FLYWCH1: variants seen among roughly 807,000 people sequenced by gnomAD.
The protein encoded by FLYWCH1 is FLYWCH-type zinc finger 1.
A neutral mutation model predicts 66.4 loss-of-function variants in FLYWCH1; 75 were observed. The ratio of observed to expected loss-of-function variants is 1.13; its 90% confidence interval spans 0.94 to 1.37. The LOEUF (loss-of-function observed/expected upper bound fraction) is 1.37. Ranked by LOEUF, FLYWCH1 falls within the 40% of genes most tolerant of loss-of-function variation. The probability of loss-of-function intolerance (pLI) is 0.00; values close to 1 mark genes in which losing one functional copy is unlikely to be tolerated. For synonymous variants in FLYWCH1, 595 were observed against 429.9 expected (o/e 1.38, Z -4.75); for missense variants, 1,334 against 1,001.8 (o/e 1.33, Z -4.48).
At position 2,933,478 on chromosome 16, in the gene FLYWCH1, C is replaced by A. The variant is rs1407722629; in HGVS notation, c.1145C>A (p.Thr382Asn). Residue 382 changes from threonine to asparagine, a missense_variant, in exon 5 of 10, where the codon ACT becomes AAT. Physicochemically the swap from Thr to Asn is moderately conservative, Grantham distance 65. Transcript: ENST00000253928. ...TACCGCAGGGGTCCGGGTCCCCTGACTCTCACCAGGCCTCGGCCCAGAAAG... is the reference window on the plus strand; with the variant it reads ...TACCGCAGGGGTCCGGGTCCCCTGAATCTCACCAGGCCTCGGCCCAGAAAG... ...LLYRRGPGPL[T>N]LTRPRPRKRA... 1 of 1,606,006 alleles carries A rather than the reference C, an allele frequency of 6.2e-7. No homozygotes were observed. Among genetic ancestry groups the A allele is most frequent in the East Asian group, 2.2e-5 (1 of 44,518 alleles).
intron 2 of FLYWCH1, among the ~76,000 whole-genome samples, chr16:2,918,900 T>G (rs938006754): frequency 6.6e-6 from 1 of 152,210 alleles, no homozygotes; most frequent in Non-Finnish European, 1.5e-5. Flanking sequence ...AAACAAAAAC[T>G]TGTTTAGAAA....
chr16:2,927,007 A>G (rs1386838507), intron 2 of FLYWCH1, among the ~76,000 whole-genome samples: 3 of 152,228 alleles, frequency 2.0e-5, no homozygotes, highest in African/African-American at 7.2e-5. Flanking sequence ...CAGCCAGTAG[A>G]AAATAAAACC....
At position 2,926,967 on chromosome 16, in the gene FLYWCH1, A is replaced by G. The variant is rs73482960; in HGVS notation, c.-73-2646A>G. On this transcript the variant is annotated intron_variant, in intron 2 of 9. Coordinates refer to ENST00000253928, the MANE Select transcript of FLYWCH1 (RefSeq NM_001308068.2). ...GAAAAGGATAGTCTCTATCTCGGCA[A>G]TGCCAATCCAGATACAGTATCCACA... 6.4e-3 allele frequency among the ~76,000 whole-genome samples: 982 copies of G among 152,330 alleles called. 14 individuals are homozygous for G. The highest frequency in any genetic ancestry group is 0.022 in the African/African-American group (934 of 41,572).
chr16:2,933,539 G>A lies in FLYWCH1; in HGVS notation c.1206G>A (p.Gln402=), dbSNP rs1370364156. Residue 402 remains glutamine, a synonymous_variant, in exon 5 of 10, where the codon CAG becomes CAA. Transcript: ENST00000253928. ...TCGAAGACCAGGAGCTGCCAACCCA[G>A]CCCGAGGCCCCAGACGAGCACCAGG... ...AKVEDQELPT[Q]PEAPDEHQDM... The A allele has an allele frequency of 1.2e-6, 2 of 1,608,664 alleles. No homozygotes were observed. The highest frequency in any genetic ancestry group is 3.4e-5 in the Admixed American group (2 of 59,278).
intron 6 of FLYWCH1, chr16:2,935,457 C>T (rs1331790778): frequency 6.6e-6 from 1 of 152,334 alleles, no homozygotes; most frequent in Non-Finnish European, 1.5e-5. Flanking sequence ...CCAGCTGTCC[C>T]TCGGGGTTCA....
intron 6 of FLYWCH1, chr16:2,936,388 A>T (rs768013559): frequency 2.0e-5 from 9 of 455,918 alleles, no homozygotes; most frequent in Middle Eastern, 6.5e-4. Context: ...TCCCTGCTCC[A>T]CATGGCCCCT....
In FLYWCH1 at chr16:2,938,739, A is replaced by C. The variant is rs1256349496; in HGVS notation, c.2050+283A>C. 3.5e-5 allele frequency among the ~76,000 whole-genome samples: 5 copies of C among 142,214 alleles called. No homozygotes were observed. In the East Asian group the frequency reaches 6.1e-4, roughly 17 times the overall value. 93.3% of individuals were successfully genotyped at this position (142,214 alleles called of 152,430 possible). A position where few individuals can be genotyped will look rare whatever the true frequency, so the allele number is the denominator to read the frequency against. The stretch of plus-strand genomic sequence containing the variant: ...ACCATTCTCCTGCCTCAGCCTCCCG[A>C]GTAGCTGGGACTACAGGTGCCTGCC... On this transcript the variant is annotated intron_variant, in intron 8 of 9. Transcript: ENST00000253928.
intron 9 of FLYWCH1, among the ~76,000 whole-genome samples, chr16:2,948,403 C>CAA (rs374345147): frequency 1.8e-4 from 26 of 148,032 alleles, no homozygotes; most frequent in African/African-American, 6.0e-4. Context: ...TAATAAAATA[C>CAA]AAAAAAAAAA....
intron 2 of FLYWCH1, among the ~76,000 whole-genome samples, chr16:2,914,577 G>A (rs986249184): frequency 7.9e-5 from 12 of 152,040 alleles, no homozygotes; most frequent in African/African-American, 2.9e-4. Flanking sequence ...CAAATCTGCC[G>A]GCCTGTGCTC....
At chr16:2,913,731 G>C (rs985890017) in intron 1 of FLYWCH1, among the ~76,000 whole-genome samples, 1 of 152,220 alleles carries the variant, frequency 6.6e-6, no homozygotes, top group South Asian at 2.1e-4. Context: ...AGGAATGTCT[G>C]TGTGCACCCA....
intron 9 of FLYWCH1, among the ~76,000 whole-genome samples, chr16:2,944,815 CTG>C (rs891949166): frequency 6.8e-6 from 1 of 147,294 alleles, no homozygotes; most frequent in Non-Finnish European, 1.5e-5. Flanking sequence ...GAGTGAGACT[CTG>C]TATCAAAAAA....
At chr16:2,923,134 G>T in intron 2 of FLYWCH1, 1 of 398,024 alleles carries the variant, frequency 2.5e-6, no homozygotes, top group South Asian at 2.1e-5. Flanking sequence ...TGTGGCTGTG[G>T]ACGCCTTTCA....
rs2071640268 is a variant in FLYWCH1, at chr16:2,950,527, C to G, written c.*1800C>G. Reference sequence around the variant, plus strand: ...ACGCCCGGGTCACAGCAGCCTGAGTCACTGCAGCCTCTGCTACCTGCCAAG... The same window carrying G: ...ACGCCCGGGTCACAGCAGCCTGAGTGACTGCAGCCTCTGCTACCTGCCAAG... On this transcript the variant is annotated 3_prime_UTR_variant, in exon 10 of 10. Transcript: ENST00000253928. 6.6e-6 allele frequency: 1 copy of G among 152,472 alleles called. No homozygotes were observed. Among genetic ancestry groups the G allele is most frequent in the Non-Finnish European group, 1.5e-5 (1 of 68,216 alleles). 9.4% of individuals were successfully genotyped at this position (152,472 alleles called of 1,614,324 possible).
intron 9 of FLYWCH1, among the ~76,000 whole-genome samples, chr16:2,942,438 A>G (rs887634722): frequency 1.3e-5 from 2 of 152,160 alleles, no homozygotes; most frequent in Non-Finnish European, 2.9e-5. Flanking sequence ...ATGAGCCGCA[A>G]TGCTTGGCCC....
intron 9 of FLYWCH1, among the ~76,000 whole-genome samples, chr16:2,946,470 T>C (rs550138877): frequency 8.8e-4 from 133 of 151,830 alleles, no homozygotes; most frequent in African/African-American, 3.2e-3. Flanking sequence ...TACAGGCGTG[T>C]GTCACCACAC....
rs2070695150 is a variant in FLYWCH1, at chr16:2,929,744, C to T, written c.59C>T (p.Pro20Leu). Residue 20 changes from proline (P) to leucine (L), a missense_variant, in exon 3 of 10, where the codon CCA (proline) becomes CTA (leucine). Transcript: ENST00000253928. ...EGESVKAGQE[P>L]SPKPGTDVIP... Reference sequence around the variant, plus strand: ...GAGAGTGTGAAGGCCGGCCAGGAGCCATCCCCCAAGCCAGGCACGGACGTC... The same window carrying T: ...GAGAGTGTGAAGGCCGGCCAGGAGCTATCCCCCAAGCCAGGCACGGACGTC... 2 of 1,613,802 alleles carry T rather than the reference C, an allele frequency of 1.2e-6. No homozygotes were observed. Among genetic ancestry groups the T allele is most frequent in the East Asian group, 4.5e-5 (2 of 44,870 alleles).
Position 2,930,874 on chromosome 16 carries a change from G to T in FLYWCH1, c.790G>T (p.Gly264Trp). The T allele has an allele frequency of 6.3e-7, 1 of 1,589,684 alleles. No homozygotes were observed. The highest frequency in any genetic ancestry group is 8.5e-7 in the Non-Finnish European group (1 of 1,173,108). The change falls in exon 4 of 10, where the codon GGG (glycine) becomes TGG (tryptophan). Residue 264 changes from glycine (G) to tryptophan (W), a missense_variant. Physicochemically the swap from Gly to Trp is radical, Grantham distance 184. Coordinates refer to ENST00000253928, the MANE Select transcript of FLYWCH1 (RefSeq NM_001308068.2). Reference sequence around the variant, plus strand: ...GCCGCCCAAGAAGCGCTCGATCCTGGGGCTGGGTGAGTACAATCCACTCCC... The same window carrying T: ...GCCGCCCAAGAAGCGCTCGATCCTGTGGCTGGGTGAGTACAATCCACTCCC... ...SLPPKKRSIL[G>W]LGQARPLEFL...
intron 9 of FLYWCH1, among the ~76,000 whole-genome samples, chr16:2,942,491 A>C (rs954335294): frequency 1.1e-4 from 16 of 152,116 alleles, no homozygotes; most frequent in African/African-American, 3.9e-4. Context: ...TATCAAAACC[A>C]AGCAAAGGAA....
intron 2 of FLYWCH1, among the ~76,000 whole-genome samples, chr16:2,915,934 G>A (rs1471321135): frequency 2.0e-5 from 3 of 152,148 alleles, no homozygotes; most frequent in Admixed American, 2.0e-4. Flanking sequence ...TTGATTATAA[G>A]GCTGATTTCA....
Sources: allele counts gnomAD v4.1 joint callset (sites outside exome capture counted in the v4.1 genomes callset), GRCh38; gene constraint gnomAD v4.1.1; transcripts MANE v1.5; gene names NCBI Gene and HGNC (gene_info 2026-07-23, HGNC 2026-07-21).